GSTCD: variants seen among roughly 807,000 people sequenced by gnomAD.
The protein encoded by GSTCD is glutathione S-transferase C-terminal domain-containing protein.
A neutral mutation model predicts 68.3 loss-of-function variants in GSTCD; 44 were observed. The ratio of observed to expected loss-of-function variants is 0.64; its 90% confidence interval spans 0.51 to 0.83. GSTCD has a LOEUF of 0.83. GSTCD is among the 40% of genes least tolerant of loss of function. The pLI, the probability that GSTCD is intolerant of heterozygous loss-of-function variation, is 0.00. For missense variants in GSTCD, 739 were observed against 735.9 expected (o/e 1.00, Z -0.05); for synonymous variants, 273 against 255.2 (o/e 1.07, Z -0.67).
chr4:105,784,716 T>C (rs547050887), intron 5 of GSTCD, among the ~76,000 whole-genome samples: 2 of 152,368 alleles, frequency 1.3e-5, no homozygotes, highest in African/African-American at 4.8e-5. Context: ...TCATTTGTTT[T>C]CTTTATCTGT....
At chr4:105,760,027 GCAAAGACAGGAAACCTATGTGTTCTCTA>G (rs1296036734) in intron 5 of GSTCD, among the ~76,000 whole-genome samples, 1 of 152,030 alleles carries the variant, frequency 6.6e-6, no homozygotes, top group Non-Finnish European at 1.5e-5. Flanking sequence ...GAGAAACAGT[GCAAAGACAGGAAACCTATGTGTTCTCTA>G]CCTTCGCAAT....
chr4:105,788,806 A>G (rs904862330), intron 5 of GSTCD, among the ~76,000 whole-genome samples: 1 of 152,074 alleles, frequency 6.6e-6, no homozygotes, highest in East Asian at 1.9e-4. Flanking sequence ...CATTTATGAT[A>G]ACTAAATAAA....
intron 8 of GSTCD, among the ~76,000 whole-genome samples, chr4:105,831,819 C>T (rs1193808972): frequency 1.3e-5 from 2 of 152,014 alleles, no homozygotes; most frequent in Non-Finnish European, 2.9e-5. Flanking sequence ...AGCTGTAATC[C>T]CAGCTACTTG....
At chr4:105,834,665 A>G (rs1724039870) in intron 9 of GSTCD, 71 bp downstream of exon 9, 1 of 1,395,616 alleles carries the variant, frequency 7.2e-7, no homozygotes, top group African/African-American at 1.4e-5. Flanking sequence ...TGTTTGATAT[A>G]AAGTTGCAAT....
intron 5 of GSTCD, among the ~76,000 whole-genome samples, chr4:105,789,155 A>C (rs1735571614): frequency 6.6e-6 from 1 of 152,164 alleles, no homozygotes; most frequent in Non-Finnish European, 1.5e-5. Flanking sequence ...ATGTAAGTGT[A>C]CACATTGAAT....
intron 5 of GSTCD, among the ~76,000 whole-genome samples, chr4:105,771,754 A>G (rs903967792): frequency 2.0e-5 from 3 of 151,896 alleles, no homozygotes; most frequent in East Asian, 1.9e-4. Context: ...CCAGTACCAT[A>G]CTGTTTTGGT....
In GSTCD at chr4:105,726,601, C is replaced by T; in HGVS notation, c.917C>T (p.Ser306Phe). The T allele has an allele frequency of 2.5e-6, 4 of 1,598,110 alleles. No homozygotes were observed. Among genetic ancestry groups the T allele is most frequent in the Non-Finnish European group, 3.4e-6 (4 of 1,171,066 alleles). ...TAGGTAATTATCAGCAGGAAATTTT[C>T]TGAGAAGCTGGTAGAATTTCCATTG... is the stretch of plus-strand genomic sequence containing the variant. ...HFLVIISRKF[S>F]EKLVEFPLLA... Residue 306 changes from serine (S) to phenylalanine (F), a missense_variant, in exon 4 of 12, where the codon TCT (serine) becomes TTT (phenylalanine). Coordinates refer to ENST00000515279, the MANE Select transcript of GSTCD (RefSeq NM_001370181.1).
intron 5 of GSTCD, among the ~76,000 whole-genome samples, chr4:105,821,866 A>G (rs1245929124): frequency 2.0e-5 from 3 of 151,894 alleles, no homozygotes; most frequent in Non-Finnish European, 4.4e-5. Flanking sequence ...AAATTTTTTT[A>G]TATAGTTTTT....
rs142261588 is a variant in GSTCD, at chr4:105,745,234, C to A, written c.1240+15735C>A. Among the ~76,000 whole-genome samples the A allele has an allele frequency of 5.2e-3, 789 of 152,228 alleles. 8 individuals are homozygous for A. Among genetic ancestry groups the A allele is most frequent in the Admixed American group, 9.5e-3 (146 of 15,302 alleles). ...AAAAATATACCTACTGAGTTGAATTCCAGATGGTTTACCTTTATTTTCATC... is the reference window on the plus strand; with the variant it reads ...AAAAATATACCTACTGAGTTGAATTACAGATGGTTTACCTTTATTTTCATC... On this transcript the variant is annotated intron_variant, in intron 5 of 11. Transcript: ENST00000515279.
intron 5 of GSTCD, among the ~76,000 whole-genome samples, chr4:105,779,560 C>A (rs1735200393): frequency 6.6e-6 from 1 of 152,100 alleles, no homozygotes; most frequent in South Asian, 2.1e-4. Flanking sequence ...CTGCAAGGTT[C>A]TCTGTCAAAT....
chr4:105,817,259 TTGAA>T (rs2149270846), intron 5 of GSTCD, among the ~76,000 whole-genome samples: 1 of 152,098 alleles, frequency 6.6e-6, no homozygotes, highest in South Asian at 2.1e-4. Context: ...GTTTGATGTG[TTGAA>T]TGAATGATTG....
rs905171035 is a variant in GSTCD at position 105,756,580 on chromosome 4, G to A, written c.1240+27081G>A. Among the ~76,000 whole-genome samples the A allele has an allele frequency of 8.3e-4, 118 of 142,466 alleles. 1 individual carries two copies. Among genetic ancestry groups the A allele is most frequent in the African/African-American group, 2.9e-3 (114 of 39,010 alleles). The allele number at this position is 142,466 out of a possible 152,430, so 93.5% of individuals were successfully genotyped here. A position where few individuals can be genotyped will look rare whatever the true frequency, so the allele number is the denominator to read the frequency against. ...TGTATATATATGTGTGTGTGTGTGT[G>A]TATATATATATATATATATATAATA... On this transcript the variant is annotated intron_variant, in intron 5 of 11. Coordinates refer to ENST00000515279, the MANE Select transcript of GSTCD (RefSeq NM_001370181.1).
intron 5 of GSTCD, among the ~76,000 whole-genome samples, chr4:105,771,610 C>A (rs755867000): frequency 6.6e-6 from 1 of 152,150 alleles, no homozygotes; most frequent in Non-Finnish European, 1.5e-5. Context: ...TTCCCAACAC[C>A]ATTTATTAAA....
chr4:105,840,330 G>C, intron 10 of GSTCD: 1 of 326,436 alleles, frequency 3.1e-6, no homozygotes, highest in South Asian at 2.6e-5. Flanking sequence ...ATGCCTGTTA[G>C]TTTGTGGGGA....
At position 105,752,381 on chromosome 4, in the gene GSTCD, TACAA is replaced by T. The variant is rs531174038; in HGVS notation, c.1240+22886_1240+22889del. Among the ~76,000 whole-genome samples, 133 of 152,244 alleles carry T rather than the reference TACAA, an allele frequency of 8.7e-4. 1 individual carries two copies. The highest frequency in any genetic ancestry group is 1.3e-3 in the Non-Finnish European group (90 of 67,954). ...TTATAGACCATGTTTTTAAGTACTTTACAAACAGAGACCATAATGACTGATTATC... is the reference window on the plus strand; with the variant it reads ...TTATAGACCATGTTTTTAAGTACTTTACAGAGACCATAATGACTGATTATC... On this transcript the variant is annotated intron_variant, in intron 5 of 11. Transcript: ENST00000515279.
chr4:105,802,831 T>C (rs1013441508), intron 5 of GSTCD, among the ~76,000 whole-genome samples: 10 of 152,278 alleles, frequency 6.6e-5, no homozygotes, highest in Admixed American at 2.6e-4. Flanking sequence ...ACCACATTGC[T>C]ATAAAGATTG....
rs1467928544 is a variant in GSTCD at position 105,717,230 on chromosome 4, A to G, written c.-21-363A>G. Among the ~76,000 whole-genome samples, 5 of 152,292 alleles carry G rather than the reference A, an allele frequency of 3.3e-5. No individual in the cohort carries two copies. In the South Asian group the frequency reaches 8.3e-4, roughly 25 times the overall value. On this transcript the variant is annotated intron_variant, in intron 1 of 11. Transcript: ENST00000515279. ...AGCACTGTCAAAACTTCTCAAGGAT[A>G]TTATCCCCAGACAGCTCTCAGTATT...
intron 5 of GSTCD, among the ~76,000 whole-genome samples, chr4:105,756,990 T>G (rs1734222452): frequency 6.6e-6 from 1 of 152,190 alleles, no homozygotes; most frequent in African/African-American, 2.4e-5. Context: ...GTTACACTGA[T>G]CAGCATTGCT....
intron 5 of GSTCD, among the ~76,000 whole-genome samples, chr4:105,785,857 G>A (rs552287607): frequency 1.3e-5 from 2 of 152,180 alleles, no homozygotes; most frequent in African/African-American, 4.8e-5. Flanking sequence ...AAAATCCTAA[G>A]ACATCCACTG....
Sources: allele counts gnomAD v4.1 joint callset (sites outside exome capture counted in the v4.1 genomes callset), GRCh38; gene constraint gnomAD v4.1.1; transcripts MANE v1.5; gene names NCBI Gene and HGNC (gene_info 2026-07-23, HGNC 2026-07-21).